The following PRMT3 variants were observed in gnomAD, a reference collection of about 807,000 sequenced individuals.
PRMT3 encodes the protein protein arginine methyltransferase 3, also known as protein arginine N-methyltransferase 3.
Under a neutral mutation model 71.9 loss-of-function variants are expected in PRMT3, and 62 were observed. The observed-to-expected ratio is 0.86, with a 90% confidence interval of 0.70 to 1.07. The LOEUF is 1.07. PRMT3 is among the 50% of genes least tolerant of loss of function. The probability of loss-of-function intolerance (pLI) is 0.00; values close to 1 mark genes in which losing one functional copy is unlikely to be tolerated. For synonymous variants in PRMT3, 213 were observed against 220.4 expected (o/e 0.97, Z 0.30); for missense variants, 663 against 643.0 (o/e 1.03, Z -0.34).
At chr11:20,490,961 C>G (rs1851191615) in intron 13 of PRMT3, among the ~76,000 whole-genome samples, 1 of 152,054 alleles carries the variant, frequency 6.6e-6, no homozygotes, top group Admixed American at 6.5e-5. Context: ...TTTTTTTTCT[C>G]CATCAGTGTC....
intron 9 of PRMT3, among the ~76,000 whole-genome samples, chr11:20,424,728 T>C (rs916840768): frequency 9.2e-5 from 14 of 152,122 alleles, no homozygotes; most frequent in Non-Finnish European, 1.8e-4. Context: ...ATTTAAAAAA[T>C]TAAGAACCAA....
chr11:20,453,813 G>C (rs1228150250), intron 11 of PRMT3, among the ~76,000 whole-genome samples: 7 of 151,930 alleles, frequency 4.6e-5, no homozygotes, highest in Non-Finnish European at 8.8e-5. Context: ...TGTGTTTTAG[G>C]GGGGTTTCGG....
At chr11:20,502,029 C>T (rs1053572599) in intron 15 of PRMT3, among the ~76,000 whole-genome samples, 3 of 151,888 alleles carry the variant, frequency 2.0e-5, no homozygotes, top group Non-Finnish European at 4.4e-5. Flanking sequence ...TTCATTGCTC[C>T]GGAAGAAATT....
chr11:20,455,277 C>T (rs2133391813), intron 11 of PRMT3, among the ~76,000 whole-genome samples: 1 of 152,254 alleles, frequency 6.6e-6, no homozygotes, highest in East Asian at 1.9e-4. Context: ...GGAATGCAGA[C>T]AGCAGGTAGA....
At chr11:20,415,040 G>A (rs906054179) in intron 9 of PRMT3, among the ~76,000 whole-genome samples, 5 of 151,530 alleles carry the variant, frequency 3.3e-5, no homozygotes, top group Non-Finnish European at 7.4e-5. Context: ...GTGTGTGTGT[G>A]TGTGTGTGTG....
chr11:20,400,113 A>G (rs530306983), intron 7 of PRMT3, among the ~76,000 whole-genome samples: 2 of 152,346 alleles, frequency 1.3e-5, no homozygotes, highest in East Asian at 3.9e-4. Context: ...AACGATTCTT[A>G]GCACACATAA....
intron 15 of PRMT3, among the ~76,000 whole-genome samples, chr11:20,504,735 A>AGAGAGAGAGAGAGAGAGAGC (rs1565243488): frequency 6.6e-6 from 1 of 151,496 alleles, no homozygotes; most frequent in African/African-American, 2.4e-5. Flanking sequence ...AGAGAGAGAG[A>AGAGAGAGAGAGAGAGAGAGC]GAGAGAGAGA....
In PRMT3 at chr11:20,387,961, G is replaced by T; in HGVS notation, c.29-58G>T. Reference sequence around the variant, plus strand: ...GAGAGCCCATCGTCACCTGCTCCTCGAGCCCCCGGGCCGCACCGGTGTCCG... The same window carrying T: ...GAGAGCCCATCGTCACCTGCTCCTCTAGCCCCCGGGCCGCACCGGTGTCCG... On this transcript the variant is annotated intron_variant, in intron 1 of 15. Transcript: ENST00000331079. The surrounding 1 kb of genome is among the most constrained non-coding windows in gnomAD (Gnocchi z 4.3). The T allele has an allele frequency of 1.9e-6, 3 of 1,609,076 alleles. No homozygotes were observed. Among genetic ancestry groups the T allele is most frequent in the Non-Finnish European group, 2.5e-6 (3 of 1,177,386 alleles).
At chr11:20,454,517 T>C (rs939155923) in intron 11 of PRMT3, among the ~76,000 whole-genome samples, 1 of 152,192 alleles carries the variant, frequency 6.6e-6, no homozygotes, top group Non-Finnish European at 1.5e-5. Flanking sequence ...TTAAGAGAGG[T>C]CAGCATTTAA....
intron 13 of PRMT3, among the ~76,000 whole-genome samples, chr11:20,473,685 G>C (rs1850707893): frequency 6.6e-6 from 1 of 152,098 alleles, no homozygotes; most frequent in Non-Finnish European, 1.5e-5. Flanking sequence ...GTTGCAACGT[G>C]CTCCTTTAGC....
chr11:20,496,359 A>C (rs1356373421), intron 15 of PRMT3, among the ~76,000 whole-genome samples: 1 of 152,098 alleles, frequency 6.6e-6, no homozygotes, highest in Non-Finnish European at 1.5e-5. Context: ...CTGAGGCTGC[A>C]GTGAGCTGTG....
chr11:20,448,648 C>T (rs1038755556), intron 10 of PRMT3, among the ~76,000 whole-genome samples: 1 of 151,894 alleles, frequency 6.6e-6, no homozygotes, highest in African/African-American at 2.4e-5. Flanking sequence ...TAGAAAGGCA[C>T]CTTATACTGA....
intron 9 of PRMT3, among the ~76,000 whole-genome samples, chr11:20,411,779 A>C (rs911386875): frequency 6.6e-6 from 1 of 152,152 alleles, no homozygotes; most frequent in African/African-American, 2.4e-5. Context: ...AAAAATAATC[A>C]CATTTTAAAA....
intron 13 of PRMT3, among the ~76,000 whole-genome samples, chr11:20,477,740 G>A (rs1565230305): frequency 6.6e-6 from 1 of 151,472 alleles, no homozygotes; most frequent in Non-Finnish European, 1.5e-5. Context: ...TAATTGAATA[G>A]TAATGTCGTA....
At chr11:20,404,220 T>TGTTTTG (rs768771887) in intron 8 of PRMT3, among the ~76,000 whole-genome samples, 97 of 20,088 alleles carry the variant, frequency 4.8e-3, no homozygotes, top group Middle Eastern at 0.056. Context: ...AGTTTTTTTT[T>TGTTTTG]TTTTTTTTTT....
intron 8 of PRMT3, among the ~76,000 whole-genome samples, chr11:20,404,212 T>TTTTTG (rs1263991315): frequency 2.9e-4 from 1 of 3,424 alleles, no homozygotes; most frequent in African/African-American, 7.2e-4. Flanking sequence ...CTTTTCATAG[T>TTTTTG]TTTTTTTTTT....
chr11:20,404,753 A>G (rs953731212), intron 8 of PRMT3, among the ~76,000 whole-genome samples: 3 of 152,200 alleles, frequency 2.0e-5, no homozygotes, highest in Non-Finnish European at 4.4e-5. Context: ...AACCAGTTAT[A>G]TACTTTTGGG....
chr11:20,403,838 C>G (rs375355400), intron 8 of PRMT3, among the ~76,000 whole-genome samples: 2 of 152,112 alleles, frequency 1.3e-5, no homozygotes, highest in East Asian at 3.8e-4. Context: ...CGGCTTTCAT[C>G]TCTCTAAGGT....
At chr11:20,499,567 T>C in intron 15 of PRMT3, among the ~76,000 whole-genome samples, 1 of 152,048 alleles carries the variant, frequency 6.6e-6, no homozygotes, top group Non-Finnish European at 1.5e-5. Context: ...GTCCAGGCTG[T>C]GGTGAGCTAT....
Sources: gnomAD v4.1 joint callset for allele counts (sites outside exome capture counted in the v4.1 genomes callset) on GRCh38, gnomAD v4.1.1 for gene constraint, Gnocchi (gnomAD v3.1) non-coding constraint, MANE v1.5 for transcripts, NCBI Gene and HGNC (gene_info 2026-07-23, HGNC 2026-07-21) for gene names.